Variants in PCDHA2 observed in about 807,000 individuals in gnomAD.
PCDHA2 encodes protocadherin alpha 2, also known as protocadherin alpha-2.
In PCDHA2, 58 loss-of-function variants were observed where a neutral mutation model predicts 66.0. The ratio of observed to expected loss-of-function variants is 0.88; its 90% CI spans 0.71 to 1.09. PCDHA2 has a LOEUF of 1.09. Among genes scored for constraint, PCDHA2 ranks in the 50% least tolerant of loss-of-function variants. The probability of loss-of-function intolerance (pLI) is 0.00; values close to 1 mark genes in which losing one functional copy is unlikely to be tolerated. For missense variants in PCDHA2, 1,267 were observed against 1,242.3 expected (o/e 1.02, Z -0.30); for synonymous variants, 634 against 554.0 (o/e 1.14, Z -2.03).
intron 1 of PCDHA2, chr5:140,865,380 G>C (rs1429077853): frequency 6.6e-6 from 1 of 152,142 alleles, no homozygotes; most frequent in Non-Finnish European, 1.5e-5. Context: ...TTATAGGTAG[G>C]GTAAAGTTAA....
At chr5:140,937,736 C>T (rs778178538) in intron 1 of PCDHA2, among the ~76,000 whole-genome samples, 84 of 151,896 alleles carry the variant, frequency 5.5e-4, no homozygotes, top group Non-Finnish European at 1.1e-3. Context: ...CACGGTGAAA[C>T]CCCGTCTCTA....
chr5:140,966,486 C>G (rs1563351032), intron 1 of PCDHA2: 1 of 432,846 alleles, frequency 2.3e-6, no homozygotes. Context: ...CTTTTCCCTC[C>G]CCCTGGAGCT....
At chr5:140,926,692 C>T in intron 1 of PCDHA2, 1 of 737,896 alleles carries the variant, frequency 1.4e-6, no homozygotes, top group Non-Finnish European at 2.0e-6. Context: ...CCTAGCAAGC[C>T]CGGCTCCCAG....
intron 1 of PCDHA2, among the ~76,000 whole-genome samples, chr5:140,844,016 T>G (rs1779187078): frequency 6.7e-6 from 1 of 149,762 alleles, no homozygotes; most frequent in Non-Finnish European, 1.5e-5. Flanking sequence ...CTAAGGACGT[T>G]CAGGGCATTT....
Position 140,850,160 on chromosome 5 carries a change from G to A in PCDHA2, c.2388+52808G>A, listed in dbSNP as rs2150470275. On this transcript the variant is annotated intron_variant, in intron 1 of 3. Coordinates refer to ENST00000526136, the MANE Select transcript of PCDHA2 (RefSeq NM_018905.3). ...GCAACGTGACGCTGCAGGTGTTCGT[G>A]CTGGACGAGAACGACAATGCGCCGG... 5 of 1,595,068 alleles carry A rather than the reference G, an allele frequency of 3.1e-6. No homozygotes were observed. The Admixed American group carries it at 6.7e-5, about 22-fold the overall frequency.
At chr5:140,839,943 G>A (rs1281845453) in intron 1 of PCDHA2, among the ~76,000 whole-genome samples, 2 of 151,554 alleles carry the variant, frequency 1.3e-5, no homozygotes, top group East Asian at 3.9e-4. Flanking sequence ...TGCCAAGAAG[G>A]AGACAACATA....
At chr5:141,006,882 G>A (rs1442637421) in intron 3 of PCDHA2, among the ~76,000 whole-genome samples, 1 of 152,204 alleles carries the variant, frequency 6.6e-6, no homozygotes, top group Non-Finnish European at 1.5e-5. Flanking sequence ...GGAATCAAGA[G>A]TTTGATTTCA....
chr5:140,801,374 G>T lies in PCDHA2; in HGVS notation c.2388+4022G>T, dbSNP rs782776492. The T allele has an allele frequency of 4.3e-6, 7 of 1,613,550 alleles. No individual in the cohort carries two copies. In the Middle Eastern group the frequency reaches 7.1e-4, roughly 164 times the overall value. On this transcript the variant is annotated intron_variant, in intron 1 of 3. Transcript: ENST00000526136. Reference sequence around the variant, plus strand: ...ACCTGGGGCTGGAGCTGGCGGAGCTGGTGCCGCGCCTGTTCCGGGTGGCGT... The same window carrying T: ...ACCTGGGGCTGGAGCTGGCGGAGCTTGTGCCGCGCCTGTTCCGGGTGGCGT...
chr5:140,841,603 G>A (rs2150319062), intron 1 of PCDHA2: 34 of 1,614,038 alleles, frequency 2.1e-5, no homozygotes, highest in East Asian at 1.1e-4. Flanking sequence ...ACCGCGAGGA[G>A]CTGTGCGGGC....
At chr5:140,889,263 GTA>G (rs1262739748) in intron 1 of PCDHA2, among the ~76,000 whole-genome samples, 1 of 151,748 alleles carries the variant, frequency 6.6e-6, no homozygotes, top group Admixed American at 6.6e-5. Flanking sequence ...GTAAAAGTTT[GTA>G]TAATCTTTGA....
chr5:140,915,630 C>G (rs2077218866), intron 1 of PCDHA2, among the ~76,000 whole-genome samples: 1 of 142,802 alleles, frequency 7.0e-6, no homozygotes, highest in South Asian at 2.1e-4. Flanking sequence ...CTTTCTGTCT[C>G]TCTCTCTCTC....
At position 140,796,649 on chromosome 5, in the gene PCDHA2, C is replaced by T; in HGVS notation, c.1685C>T (p.Ala562Val). Residue 562 changes from alanine (A) to valine (V), a missense_variant, in exon 1 of 4, where the codon GCG becomes GTG. Transcript: ENST00000526136. Reference sequence around the variant, plus strand: ...TTCGTGCTGGACGAGAACGACAACGCGCCGGCACTGTTGGCGCCTAGGGCT... The same window carrying T: ...TTCGTGCTGGACGAGAACGACAACGTGCCGGCACTGTTGGCGCCTAGGGCT... Reference protein sequence around the residue: ...QVFVLDENDNAPALLAPRAGT... With the variant: ...QVFVLDENDNVPALLAPRAGT... 4 of 1,613,864 alleles carry T rather than the reference C, an allele frequency of 2.5e-6. No individual in the cohort carries two copies. Among genetic ancestry groups the T allele is most frequent in the Non-Finnish European group, 3.4e-6 (4 of 1,179,888 alleles).
chr5:140,830,262 C>G lies in PCDHA2; in HGVS notation c.2388+32910C>G, dbSNP rs151257683. 6.1e-5 allele frequency: 99 copies of G among 1,613,546 alleles called. No individual in the cohort carries two copies. Among genetic ancestry groups the G allele is most frequent in the Non-Finnish European group, 7.2e-5 (85 of 1,179,698 alleles). ...CTGCTGTACACAGCGCTGCGGTGCT[C>G]GGCGCCACCCACCGAGGGCGCGTGC... On this transcript the variant is annotated intron_variant, in intron 1 of 3. Transcript: ENST00000526136.
intron 1 of PCDHA2, chr5:140,870,089 T>A (rs782364525): frequency 6.2e-7 from 1 of 1,613,914 alleles, no homozygotes; most frequent in Admixed American, 1.7e-5. Flanking sequence ...ACTCCCCCAA[T>A]GGCAGGTCAC....
intron 1 of PCDHA2, chr5:140,876,545 C>T (rs1281346113): frequency 6.2e-7 from 1 of 1,614,082 alleles, no homozygotes; most frequent in Non-Finnish European, 8.5e-7. Flanking sequence ...CTGTCGCTCC[C>T]TGTGCAAGAG....
At chr5:140,833,150 C>A (rs1477440208) in intron 1 of PCDHA2, among the ~76,000 whole-genome samples, 1 of 151,886 alleles carries the variant, frequency 6.6e-6, no homozygotes, top group Admixed American at 6.6e-5. Context: ...TGAAGCAATA[C>A]GAATAAAAAG....
intron 2 of PCDHA2, among the ~76,000 whole-genome samples, chr5:140,981,395 G>A (rs928966988): frequency 5.2e-4 from 79 of 152,210 alleles, no homozygotes; most frequent in African/African-American, 1.9e-3. Context: ...TCAATATGGT[G>A]AAAACCTGTC....
intron 3 of PCDHA2, among the ~76,000 whole-genome samples, chr5:140,984,986 G>A (rs553872050): frequency 6.6e-6 from 1 of 152,080 alleles, no homozygotes; most frequent in African/African-American, 2.4e-5. Context: ...CCCCCAGGCT[G>A]GAGTCCAGTG....
intron 1 of PCDHA2, chr5:140,927,330 G>A (rs2084093036): frequency 6.2e-7 from 1 of 1,614,140 alleles, no homozygotes; most frequent in Non-Finnish European, 8.5e-7. Flanking sequence ...TTACTCTCCC[G>A]AATGCCCAAG....
Sources: gnomAD v4.1 joint callset for allele counts (sites outside exome capture counted in the v4.1 genomes callset) on GRCh38, gnomAD v4.1.1 for gene constraint, MANE v1.5 for transcripts, NCBI Gene and HGNC (gene_info 2026-07-23, HGNC 2026-07-21) for gene names.